Variants in ZFHX3 observed in about 807,000 individuals in gnomAD.
The protein encoded by ZFHX3 is zinc finger homeobox protein 3.
In ZFHX3, 42 loss-of-function variants were observed where a neutral mutation model predicts 279.1. The observed-to-expected ratio is 0.15, with a 90% confidence interval of 0.12 to 0.19. The LOEUF is 0.19. ZFHX3 is among the 10% of genes least tolerant of loss of function. The probability of loss-of-function intolerance (pLI) is 1.00; values close to 1 mark genes in which losing one functional copy is unlikely to be tolerated. For missense variants in ZFHX3, 4,981 were observed against 4,754.0 expected (o/e 1.05, Z -1.40); for synonymous variants, 2,293 against 1,957.8 (o/e 1.17, Z -4.52).
intron 4 of ZFHX3, among the ~76,000 whole-genome samples, chr16:72,848,641 C>T (rs577568080): frequency 6.9e-6 from 1 of 144,072 alleles, no homozygotes; most frequent in Admixed American, 6.9e-5. Context: ...CTGTGCCCCC[C>T]CTCCCACCCC....
chr16:73,125,083 A>G (rs997773376), intron 7 of ZFHX3: 3 of 152,160 alleles, frequency 2.0e-5, no homozygotes, highest in African/African-American at 7.2e-5. Flanking sequence ...TTTAAAAGCA[A>G]TAATGCATAG....
intron 2 of ZFHX3, among the ~76,000 whole-genome samples, chr16:73,469,700 C>A: frequency 6.6e-6 from 1 of 152,070 alleles, no homozygotes; most frequent in Non-Finnish European, 1.5e-5. Context: ...TCACTGCAAC[C>A]TCTGCTGCCC....
chr16:73,159,900 C>G (rs1392122048), intron 5 of ZFHX3, among the ~76,000 whole-genome samples: 1 of 152,012 alleles, frequency 6.6e-6, no homozygotes, highest in Non-Finnish European at 1.5e-5. Flanking sequence ...GTAGCTGGGA[C>G]TGCAGGTGCG....
At chr16:73,471,853 G>A (rs980004934) in intron 2 of ZFHX3, among the ~76,000 whole-genome samples, 5 of 152,114 alleles carry the variant, frequency 3.3e-5, no homozygotes, top group African/African-American at 1.2e-4. Flanking sequence ...GTCTTAGCCT[G>A]GAAAAAACCC....
intron 2 of ZFHX3, among the ~76,000 whole-genome samples, chr16:73,474,390 C>T (rs60310341): frequency 1.7e-3 from 252 of 152,304 alleles, no homozygotes; most frequent in African/African-American, 5.7e-3. Flanking sequence ...CTCAGGTGAT[C>T]CACCCACCTT....
rs1057344654 is a variant in ZFHX3 at position 73,192,682 on chromosome 16, C to A, written c.-1103-48851G>T. On this transcript the variant is annotated intron_variant, in intron 5 of 17. Coordinates refer to the ZFHX3 transcript ENST00000641206. ...CCTGTTTTTGAAGAAGCCCGTGGAG[C>A]ACCACTCCAGTGACTAATCGCTCGT... Among the ~76,000 whole-genome samples, 67 of 152,262 alleles carry A rather than the reference C, an allele frequency of 4.4e-4. 1 individual carries two copies. The highest frequency in any genetic ancestry group is 6.5e-4 in the African/African-American group (27 of 41,540).
At chr16:73,054,040 G>A (rs1478091102) in intron 1 of ZFHX3, among the ~76,000 whole-genome samples, 2 of 151,558 alleles carry the variant, frequency 1.3e-5, no homozygotes, top group Non-Finnish European at 1.5e-5. Context: ...AGGGGCTGAA[G>A]GGAAGATGAT....
In ZFHX3 at chr16:73,264,728, C is replaced by A. The variant is rs532424171; in HGVS notation, c.-1193-7592G>T. On this transcript the variant is annotated intron_variant, in intron 4 of 17. Transcript: ENST00000641206. The stretch of plus-strand genomic sequence containing the variant: ...CCAGTTTCTAGTCCTTTATCTCTTA[C>A]ATCCTTCCCAAGCTTTCCCCCTGAG... Among the ~76,000 whole-genome samples the A allele has an allele frequency of 2.0e-5, 3 of 152,096 alleles. No individual in the cohort carries two copies. In the East Asian group the frequency reaches 5.8e-4, roughly 29 times the overall value.
chr16:73,263,193 CT>C lies in ZFHX3; in HGVS notation c.-1193-6058del, dbSNP rs558980116. Among the ~76,000 whole-genome samples the C allele has an allele frequency of 5.9e-3, 842 of 143,684 alleles. 1 individual carries two copies. The highest frequency in any genetic ancestry group is 6.2e-3 in the Admixed American group (89 of 14,312). 94.3% of individuals were successfully genotyped at this position (143,684 alleles called of 152,430 possible). A position where few individuals can be genotyped will look rare whatever the true frequency, so the allele number is the denominator to read the frequency against. ...ATTTACAATTCACTTTCAGGAAGTC[CT>C]TTTTTTTTTTTTTAATTTAGAGACA... On this transcript the variant is annotated intron_variant, in intron 4 of 17. Coordinates refer to the ZFHX3 transcript ENST00000641206.
intron 5 of ZFHX3, among the ~76,000 whole-genome samples, chr16:73,176,607 TCC>T (rs1415064286): frequency 4.6e-4 from 64 of 140,358 alleles, no homozygotes; most frequent in African/African-American, 1.7e-3. Flanking sequence ...CTTCTTCTTC[TCC>T]TTTTTTTTTT....
At position 72,958,308 on chromosome 16, in the gene ZFHX3, T is replaced by C. The variant is rs1186773877; in HGVS notation, c.1838A>G (p.Asp613Gly). The change falls in exon 2 of 10, where the codon GAT becomes GGT. Residue 613 changes from aspartate to glycine, a missense_variant. Asp to Gly is a moderately conservative substitution (Grantham distance 94). Coordinates refer to ENST00000268489, the MANE Select transcript of ZFHX3 (RefSeq NM_006885.4). ...CTGGTGATGGGGAACGAAGCCCCCA[T>C]CGTCACCCTCTGTGCTTTCATTTGG... ...PEPNESTEGDDGGFVPHHQHA... is the reference protein window; with the variant it reads ...PEPNESTEGDGGGFVPHHQHA... 6.2e-7 allele frequency: 1 copy of C among 1,613,908 alleles called. No individual in the cohort carries two copies. Among genetic ancestry groups the C allele is most frequent in the Admixed American group, 1.7e-5 (1 of 60,006 alleles).
At chr16:73,206,323 T>C (rs1205222727) in intron 5 of ZFHX3, among the ~76,000 whole-genome samples, 2 of 152,192 alleles carry the variant, frequency 1.3e-5, no homozygotes, top group Non-Finnish European at 2.9e-5. Context: ...TGCCCCCAGG[T>C]CATCATTATG....
chr16:72,958,682 G>A lies in ZFHX3; in HGVS notation c.1464C>T (p.Asp488=), dbSNP rs143031716. ...EEEEEEEEEE[D]EGCKGLFPSE... ...TTGGAAAGAGTCCTTTGCAACCCTCGTCTTCCTCCTCCTCTTCTTCCTCCT... is the reference window on the plus strand; with the variant it reads ...TTGGAAAGAGTCCTTTGCAACCCTCATCTTCCTCCTCCTCTTCTTCCTCCT... Residue 488 remains aspartate, a synonymous_variant, in exon 2 of 10, where the codon GAC becomes GAT. Transcript: ENST00000268489. The A allele has an allele frequency of 9.1e-5, 147 of 1,611,760 alleles. No individual in the cohort carries two copies. The highest frequency in any genetic ancestry group is 3.1e-4 in the East Asian group (14 of 44,830).
intron 2 of ZFHX3, among the ~76,000 whole-genome samples, chr16:73,564,476 G>A (rs915884224): frequency 6.6e-6 from 1 of 152,198 alleles, no homozygotes; most frequent in African/African-American, 2.4e-5. Context: ...ATCCTAAGAT[G>A]TAAGTTCCAG....
chr16:72,892,099 C>T (rs1387146171), intron 3 of ZFHX3, among the ~76,000 whole-genome samples: 5 of 152,216 alleles, frequency 3.3e-5, no homozygotes, highest in South Asian at 2.1e-4. Context: ...GACATGCACA[C>T]GTCCTGTGTT....
chr16:73,267,790 T>G (rs996282745), intron 4 of ZFHX3, among the ~76,000 whole-genome samples: 3 of 152,228 alleles, frequency 2.0e-5, no homozygotes, highest in African/African-American at 7.2e-5. Flanking sequence ...CTGTTTCCAT[T>G]CATCTTTAAG....
At chr16:73,626,765 C>T (rs1240632383) in intron 2 of ZFHX3, among the ~76,000 whole-genome samples, 1 of 152,198 alleles carries the variant, frequency 6.6e-6, no homozygotes, top group Non-Finnish European at 1.5e-5. Context: ...ACTGACTCTG[C>T]ACTCCTTAAA....
At chr16:73,878,423 G>A (rs1048482710) in intron 1 of ZFHX3, among the ~76,000 whole-genome samples, 4 of 152,096 alleles carry the variant, frequency 2.6e-5, no homozygotes, top group African/African-American at 9.7e-5. Context: ...CTTTGACACA[G>A]AGTAAAACTT....
At chr16:73,090,911 GAAAAAA>G (rs57632636) in intron 8 of ZFHX3, among the ~76,000 whole-genome samples, 2 of 108,314 alleles carry the variant, frequency 1.8e-5, no homozygotes, top group Admixed American at 9.2e-5. Context: ...ATCCCATATT[GAAAAAA>G]AAAAAAAAAA....
Sources: allele counts gnomAD v4.1 joint callset (sites outside exome capture counted in the v4.1 genomes callset), GRCh38; gene constraint gnomAD v4.1.1; transcripts MANE v1.5; gene names NCBI Gene and HGNC (gene_info 2026-07-23, HGNC 2026-07-21).